CSGALNACT1: variants seen among roughly 807,000 people sequenced by gnomAD.
The protein encoded by CSGALNACT1 is beta4GalNAcT-1.
Under a neutral mutation model 51.0 loss-of-function variants are expected in CSGALNACT1, and 52 were observed. The ratio of observed to expected loss-of-function variants is 1.02; its 90% CI spans 0.82 to 1.29. CSGALNACT1 has a LOEUF of 1.29. Among genes scored for constraint, CSGALNACT1 ranks in the 50% most tolerant of loss-of-function variants. The probability of loss-of-function intolerance (pLI) is 0.00; values close to 1 mark genes in which losing one functional copy is unlikely to be tolerated. For missense variants in CSGALNACT1, 935 were observed against 679.2 expected, an observed-to-expected ratio of 1.38 and a Z score of -4.19; for synonymous variants, 341 against 254.4, an observed-to-expected ratio of 1.34 and a Z score of -3.24.
chr8:19,453,124 T>G (rs1474114135), intron 5 of CSGALNACT1, among the ~76,000 whole-genome samples: 1 of 152,056 alleles, frequency 6.6e-6, no homozygotes. Flanking sequence ...AAAGAAAAAG[T>G]TAAGAAATAG....
intron 4 of CSGALNACT1, among the ~76,000 whole-genome samples, chr8:19,501,630 A>ATC (rs1450763358): frequency 5.3e-5 from 8 of 152,356 alleles, no homozygotes; most frequent in African/African-American, 1.4e-4. Flanking sequence ...AATGCCTCAC[A>ATC]TAGGGGTCAC....
intron 3 of CSGALNACT1, among the ~76,000 whole-genome samples, chr8:19,557,512 C>G (rs1380369286): frequency 6.6e-6 from 1 of 152,164 alleles, no homozygotes; most frequent in Non-Finnish European, 1.5e-5. Flanking sequence ...CCCACACTTC[C>G]CCTGCTGCCT....
intron 1 of CSGALNACT1, among the ~76,000 whole-genome samples, chr8:19,662,025 A>T (rs1322863149): frequency 8.0e-6 from 1 of 124,598 alleles, no homozygotes; most frequent in African/African-American, 3.1e-5. Flanking sequence ...AACCATCCCT[A>T]CCAGCAGCAA....
chr8:19,661,407 G>A (rs138415203), intron 1 of CSGALNACT1, among the ~76,000 whole-genome samples: 5 of 152,258 alleles, frequency 3.3e-5, no homozygotes, highest in African/African-American at 9.6e-5. Flanking sequence ...TGGCACTGAC[G>A]AAAGGGATTT....
At chr8:19,645,019 G>A (rs2057130327) in intron 1 of CSGALNACT1, among the ~76,000 whole-genome samples, 1 of 152,082 alleles carries the variant, frequency 6.6e-6, no homozygotes, top group Admixed American at 6.6e-5. Flanking sequence ...AAAAATGAAA[G>A]GATCTATGTA....
chr8:19,649,724 G>A (rs567836103), intron 1 of CSGALNACT1, among the ~76,000 whole-genome samples: 10 of 145,616 alleles, frequency 6.9e-5, no homozygotes, highest in South Asian at 2.2e-4. Context: ...GAGGTTGTTC[G>A]TTTACTACAG....
At chr8:19,679,613 ATTC>A (rs1199377400) in intron 1 of CSGALNACT1, among the ~76,000 whole-genome samples, 2 of 152,076 alleles carry the variant, frequency 1.3e-5, no homozygotes, top group African/African-American at 4.8e-5. Flanking sequence ...GATACTCGCT[ATTC>A]TTCTTCAAAT....
chr8:19,566,651 AG>A (rs2041963905), intron 3 of CSGALNACT1, among the ~76,000 whole-genome samples: 1 of 152,244 alleles, frequency 6.6e-6, no homozygotes, highest in South Asian at 2.1e-4. Flanking sequence ...TCCATTTTGC[AG>A]GTCAGATCTA....
At chr8:19,679,281 C>T (rs567080491) in intron 1 of CSGALNACT1, among the ~76,000 whole-genome samples, 1 of 151,680 alleles carries the variant, frequency 6.6e-6, no homozygotes, top group Non-Finnish European at 1.5e-5. Flanking sequence ...GATAAACCCC[C>T]GTTTCTACAA....
chr8:19,596,765 T>C (rs1206111411), intron 2 of CSGALNACT1, among the ~76,000 whole-genome samples: 4 of 152,180 alleles, frequency 2.6e-5, no homozygotes, highest in Non-Finnish European at 5.9e-5. Flanking sequence ...TTTCAATTAT[T>C]TTTACTTTTA....
At chr8:19,428,321 G>A in intron 6 of CSGALNACT1, among the ~76,000 whole-genome samples, 1 of 152,152 alleles carries the variant, frequency 6.6e-6, no homozygotes, top group African/African-American at 2.4e-5. Flanking sequence ...TGTGGCTGGG[G>A]AGGCCTCACA....
In CSGALNACT1 at chr8:19,597,285, CTTTTTTTTT is replaced by C. The variant is rs35177349; in HGVS notation, c.-416+4477_-416+4485del. ...GGTTGGGGCTGCCTCTATCTTCTTT[CTTTTTTTTT>C]TTTTTTTTTTTTTTTTTTGGAGAGG... On this transcript the variant is annotated intron_variant, in intron 2 of 9. Coordinates refer to ENST00000454498, the Ensembl canonical transcript of CSGALNACT1. Among the ~76,000 whole-genome samples, 4 of 64,566 alleles carry C rather than the reference CTTTTTTTTT, an allele frequency of 6.2e-5. No homozygotes were observed. In the Admixed American group the frequency reaches 1.0e-3, roughly 17 times the overall value. 42.4% of individuals were successfully genotyped at this position (64,566 alleles called of 152,430 possible). A position where few individuals can be genotyped will look rare whatever the true frequency, so the allele number is the denominator to read the frequency against.
At chr8:19,675,841 T>C (rs73216614) in intron 1 of CSGALNACT1, among the ~76,000 whole-genome samples, 3,059 of 151,902 alleles carry the variant, frequency 0.02, 51 homozygotes, top group South Asian at 0.047. Context: ...CTCAGGTTCA[T>C]CCAAGTCACA....
chr8:19,486,698 T>A (rs2073033428), intron 4 of CSGALNACT1, among the ~76,000 whole-genome samples: 1 of 152,174 alleles, frequency 6.6e-6, no homozygotes, highest in South Asian at 2.1e-4. Context: ...CAGATTGTAT[T>A]ATCGTCCACT....
At chr8:19,643,988 A>G (rs2057002285) in intron 1 of CSGALNACT1, among the ~76,000 whole-genome samples, 1 of 152,268 alleles carries the variant, frequency 6.6e-6, no homozygotes, top group East Asian at 1.9e-4. Context: ...AAAGATGTCT[A>G]TGCAGTCATG....
intron 3 of CSGALNACT1, among the ~76,000 whole-genome samples, chr8:19,577,430 G>A (rs987633363): frequency 4.9e-5 from 7 of 143,484 alleles, no homozygotes; most frequent in East Asian, 1.9e-4. Flanking sequence ...GTATGGTGGC[G>A]CACATCTGTA....
intron 4 of CSGALNACT1, among the ~76,000 whole-genome samples, chr8:19,497,157 G>C (rs1225792717): frequency 1.3e-5 from 2 of 152,156 alleles, no homozygotes; most frequent in Admixed American, 1.3e-4. Flanking sequence ...GATTTTATCA[G>C]AAAAATCAGA....
intron 1 of CSGALNACT1, among the ~76,000 whole-genome samples, chr8:19,679,085 A>T (rs2060404257): frequency 6.6e-6 from 1 of 152,194 alleles, no homozygotes. Flanking sequence ...TAAAGACTTG[A>T]AAAACTTTCA....
intron 1 of CSGALNACT1, among the ~76,000 whole-genome samples, chr8:19,741,336 G>A (rs767883553): frequency 1.8e-4 from 27 of 152,180 alleles, no homozygotes; most frequent in Admixed American, 5.2e-4. Flanking sequence ...AGGCTGAGGC[G>A]GATGGATCAC....
Sources: allele counts gnomAD v4.1 joint callset (sites outside exome capture counted in the v4.1 genomes callset), GRCh38; gene constraint gnomAD v4.1.1; transcripts MANE v1.5; gene names NCBI Gene and HGNC (gene_info 2026-07-23, HGNC 2026-07-21).